Variants in PCNX1 observed in about 807,000 individuals in gnomAD.
PCNX1 encodes the protein pecanex-like protein 1.
In PCNX1, 78 loss-of-function variants were observed where a neutral mutation model predicts 242.2. The observed-to-expected ratio is 0.32, with a 90% CI of 0.27 to 0.39. PCNX1 has a LOEUF of 0.39. Ranked by LOEUF, PCNX1 falls within the 10% of genes least tolerant of loss-of-function variation. PCNX1 has a pLI of 1.00. For synonymous variants in PCNX1, 1,024 were observed against 1,032.9 expected (o/e 0.99, Z 0.17); for missense variants, 2,581 against 2,856.5 (o/e 0.90, Z 2.20).
intron 8 of PCNX1, among the ~76,000 whole-genome samples, chr14:71,001,941 G>A (rs1277138366): frequency 6.6e-6 from 1 of 152,222 alleles, no homozygotes; most frequent in Admixed American, 6.5e-5. Context: ...AAAGGTCAAG[G>A]ACATCTAGCC....
intron 5 of PCNX1, among the ~76,000 whole-genome samples, chr14:70,971,919 AT>A (rs1384171380): frequency 1.3e-5 from 2 of 152,198 alleles, no homozygotes; most frequent in African/African-American, 4.8e-5. Context: ...AAAGGTGCTA[AT>A]TTTAATTCTG....
At chr14:70,913,970 A>G (rs1337048957) in intron 1 of PCNX1, among the ~76,000 whole-genome samples, 1 of 152,138 alleles carries the variant, frequency 6.6e-6, no homozygotes, top group African/African-American at 2.4e-5. Flanking sequence ...AGTATTTTCA[A>G]TATTTAGGAT....
At position 71,109,955 on chromosome 14, in the gene PCNX1, A is replaced by G. The variant is rs761335876; in HGVS notation, c.*20A>G. The G allele has an allele frequency of 5.0e-6, 8 of 1,610,366 alleles. No homozygotes were observed. The highest frequency in any genetic ancestry group is 4.0e-5 in the African/African-American group (3 of 74,800). Reference sequence around the variant, plus strand: ...GTGTGAGCCAGTGTTTATTATAAAGACATTTCTTTTTCCCTCTCAATTCCA... The same window carrying G: ...GTGTGAGCCAGTGTTTATTATAAAGGCATTTCTTTTTCCCTCTCAATTCCA... On this transcript the variant is annotated 3_prime_UTR_variant, in exon 36 of 36. Transcript: ENST00000304743.
intron 5 of PCNX1, among the ~76,000 whole-genome samples, chr14:70,971,114 A>ATTTTTTT: frequency 4.1e-5 from 1 of 24,556 alleles, no homozygotes. Flanking sequence ...TACTTTATAT[A>ATTTTTTT]GTTTTTTTTT....
At chr14:71,000,652 G>A (rs940929064) in intron 8 of PCNX1, among the ~76,000 whole-genome samples, 1 of 151,040 alleles carries the variant, frequency 6.6e-6, no homozygotes, top group Non-Finnish European at 1.5e-5. Flanking sequence ...TTAGCCTCCC[G>A]AGTAGCTGGG....
At chr14:71,100,422 A>G (rs1348334126) in intron 30 of PCNX1, among the ~76,000 whole-genome samples, 7 of 152,130 alleles carry the variant, frequency 4.6e-5, no homozygotes, top group Non-Finnish European at 1.0e-4. Context: ...ACAGGCCCCA[A>G]TCCCTTCTGG....
intron 1 of PCNX1, among the ~76,000 whole-genome samples, chr14:70,934,521 A>G (rs1200354268): frequency 6.6e-6 from 1 of 152,142 alleles, no homozygotes; most frequent in Non-Finnish European, 1.5e-5. Context: ...GGCTCAATTG[A>G]TCCTCCCCCC....
rs977932783 is a variant in PCNX1, at chr14:71,032,111, C to T, written c.3559-1318C>T. 5.1e-6 allele frequency: 3 copies of T among 590,736 alleles called. No homozygotes were observed. The Admixed American group carries it at 7.7e-5, about 15-fold the overall frequency. The allele number at this position is 590,736 out of a possible 1,614,324, so 36.6% of individuals were successfully genotyped here. A position where few individuals can be genotyped will look rare whatever the true frequency, so the allele number is the denominator to read the frequency against. On this transcript the variant is annotated intron_variant, in intron 16 of 35. Transcript: ENST00000304743. ...CCTCATGCTGAGAAAGCAGGTCGCT[C>T]AAGAGAGGGTCTCCCAGAGGCTTGA...
rs190725858 is a variant in PCNX1, at chr14:70,966,037, A to G, written c.469-2161A>G. On this transcript the variant is annotated intron_variant, in intron 3 of 35. Coordinates refer to ENST00000304743, the MANE Select transcript of PCNX1 (RefSeq NM_014982.3). ...GAAAATTAAAATAATCTATGTCATAATTGATTGTATCATGAGCATTAATAT... is the reference window on the plus strand; with the variant it reads ...GAAAATTAAAATAATCTATGTCATAGTTGATTGTATCATGAGCATTAATAT... Among the ~76,000 whole-genome samples the G allele has an allele frequency of 3.5e-4, 53 of 152,264 alleles. 3 individuals carry two copies. In the East Asian group the frequency reaches 0.01, roughly 29 times the overall value.
intron 1 of PCNX1, among the ~76,000 whole-genome samples, chr14:70,939,724 C>T (rs1386983307): frequency 6.6e-6 from 1 of 152,164 alleles, no homozygotes; most frequent in Non-Finnish European, 1.5e-5. Flanking sequence ...CTAATGTTGA[C>T]AGTGGGGTGT....
At chr14:71,016,650 CAA>C (rs1475869037) in intron 11 of PCNX1, among the ~76,000 whole-genome samples, 5 of 152,068 alleles carry the variant, frequency 3.3e-5, no homozygotes, top group African/African-American at 1.2e-4. Flanking sequence ...GAGAAGATGT[CAA>C]GAGAGAAATT....
Position 71,026,209 on chromosome 14 carries a change from G to C in PCNX1, c.3276G>C (p.Leu1092=). ...TCTTGGATTATGGTAGCAGAAACCT[G>C]ACTGCAACCAAGTTCAAATTATATG... ...IWLLDYGSRN[L]TATKFKLYGI... The change falls in exon 14 of 36, where the codon CTG becomes CTC. Residue 1092 remains leucine, a synonymous_variant. Transcript: ENST00000304743. 1.2e-6 allele frequency: 2 copies of C among 1,610,606 alleles called. No individual in the cohort carries two copies. Among genetic ancestry groups the C allele is most frequent in the Non-Finnish European group, 1.7e-6 (2 of 1,177,456 alleles).
intron 7 of PCNX1, among the ~76,000 whole-genome samples, chr14:70,992,514 C>G (rs2059196851): frequency 6.6e-6 from 1 of 151,762 alleles, no homozygotes; most frequent in African/African-American, 2.4e-5. Context: ...TACTCTTAGA[C>G]TTTACATTTT....
rs570321291 is a variant in PCNX1, at chr14:70,913,996, T to TA, written c.153+5994dup. On this transcript the variant is annotated intron_variant, in intron 1 of 35. Transcript: ENST00000304743. ...TATTTAGGATCAAAGTGAGTCTAAT[T>TA]ATTTCCATAACTGGTCATGGCACAG... Among the ~76,000 whole-genome samples the TA allele has an allele frequency of 2.6e-4, 39 of 152,314 alleles. 2 individuals carry two copies. In the South Asian group the frequency reaches 7.7e-3, roughly 30 times the overall value.
At position 70,947,141 on chromosome 14, in the gene PCNX1, A is replaced by G. The variant is rs760957972; in HGVS notation, c.362+18A>G. The G allele has an allele frequency of 7.3e-5, 110 of 1,511,242 alleles. No homozygotes were observed. The highest frequency in any genetic ancestry group is 9.1e-5 in the Non-Finnish European group (100 of 1,093,334). The allele number at this position is 1,511,242 out of a possible 1,614,324, so 93.6% of individuals were successfully genotyped here. ...GGACCGAGGTAAGGAAACCTATGTC[A>G]TTGATTGATCGTAATGATTTAGATT... On this transcript the variant is annotated intron_variant, in intron 2 of 35. Coordinates refer to ENST00000304743, the MANE Select transcript of PCNX1 (RefSeq NM_014982.3).
rs2062685451 is a variant in PCNX1, at chr14:71,108,595, T to A, written c.6302-9T>A. On this transcript the variant is annotated splice_polypyrimidine_tract_variant and intron_variant, in intron 33 of 35. Transcript: ENST00000304743. ...TACTTTGAGTGAGTGCTGCTGTTTC[T>A]CCTCCTAGGCACTAGCCACAGCTCT... 6.3e-7 allele frequency: 1 copy of A among 1,590,810 alleles called. No individual in the cohort carries two copies. Among genetic ancestry groups the A allele is most frequent in the South Asian group, 1.1e-5 (1 of 88,864 alleles).
chr14:70,974,200 C>T (rs186247710), intron 5 of PCNX1, among the ~76,000 whole-genome samples: 5 of 149,184 alleles, frequency 3.4e-5, no homozygotes, highest in African/African-American at 1.2e-4. Flanking sequence ...ATACCATTAG[C>T]ATTCATTTAA....
chr14:71,082,051 T>C (rs2061867837), intron 28 of PCNX1, among the ~76,000 whole-genome samples: 1 of 152,226 alleles, frequency 6.6e-6, no homozygotes, highest in African/African-American at 2.4e-5. Context: ...GATTCTGGTA[T>C]GTTGTGTCTT....
intron 24 of PCNX1, among the ~76,000 whole-genome samples, chr14:71,054,752 G>A (rs1199127120): frequency 1.3e-5 from 2 of 152,136 alleles, no homozygotes; most frequent in Non-Finnish European, 2.9e-5. Flanking sequence ...TGCTTCATAC[G>A]TATTTTCTCA....
Sources: allele counts gnomAD v4.1 joint callset (sites outside exome capture counted in the v4.1 genomes callset), GRCh38; gene constraint gnomAD v4.1.1; transcripts MANE v1.5; gene names NCBI Gene and HGNC (gene_info 2026-07-23, HGNC 2026-07-21).